MOK: variants seen among roughly 807,000 people sequenced by gnomAD.
MOK encodes the protein MOK protein kinase.
Under a neutral mutation model 54.2 loss-of-function variants are expected in MOK, and 59 were observed. The ratio of observed to expected loss-of-function variants is 1.09; its 90% CI spans 0.88 to 1.35. MOK has a LOEUF of 1.35. Ranked by LOEUF, MOK falls within the 40% of genes most tolerant of loss-of-function variation. The probability of loss-of-function intolerance (pLI) is 0.00; values close to 1 mark genes in which losing one functional copy is unlikely to be tolerated. For missense variants in MOK, 517 were observed against 526.2 expected, an observed-to-expected ratio of 0.98 and a Z score of 0.17; for synonymous variants, 210 against 202.7, an observed-to-expected ratio of 1.04 and a Z score of -0.31.
intron 1 of MOK, among the ~76,000 whole-genome samples, chr14:102,298,033 G>A (rs1418990507): frequency 6.6e-6 from 1 of 152,230 alleles, no homozygotes; most frequent in Non-Finnish European, 1.5e-5. Context: ...CTGCTCCAGG[G>A]TGCCCAGTCC....
rs558753480 is a variant in MOK, at chr14:102,240,232, G to A, written c.591-6443C>T. The stretch of plus-strand genomic sequence containing the variant: ...ATCTCCCTTTGCTGACTCTGTTTTC[G>A]GACTCAGCCCGCCTGCACCCAGGTG... On this transcript the variant is annotated intron_variant, in intron 7 of 11. Transcript: ENST00000361847. This position sits in a 1 kb window ranked among gnomAD's most constrained non-coding sequence, Gnocchi z 5.4. Among the ~76,000 whole-genome samples, 6 of 152,126 alleles carry A rather than the reference G, an allele frequency of 3.9e-5. No individual in the cohort carries two copies. Among genetic ancestry groups the A allele is most frequent in the African/African-American group, 9.6e-5 (4 of 41,494 alleles).
intron 2 of MOK, 68 bp from the exon 3 acceptor site, chr14:102,265,980 T>A (rs2153138476): frequency 9.1e-7 from 1 of 1,102,008 alleles, no homozygotes. Context: ...GAGTTACTTA[T>A]TATCCAGGAT....
intron 4 of MOK, among the ~76,000 whole-genome samples, chr14:102,255,071 G>A (rs930788306): frequency 6.6e-6 from 1 of 152,212 alleles, no homozygotes; most frequent in Non-Finnish European, 1.5e-5. Flanking sequence ...TGTAATCCCA[G>A]CACTTTGGGA....
At chr14:102,221,456 G>C (rs2063889219), downstream of MOK, among the ~76,000 whole-genome samples, 1 of 152,228 alleles carries the variant, frequency 6.6e-6, no homozygotes, top group African/African-American at 2.4e-5. This position sits in a 1 kb window ranked among gnomAD's most constrained non-coding sequence, Gnocchi z 4.8. Flanking sequence ...TCAGGAACCT[G>C]CTGCCCAGCT....
intron 1 of MOK, among the ~76,000 whole-genome samples, chr14:102,299,916 T>A (rs1333976048): frequency 2.0e-5 from 3 of 152,078 alleles, no homozygotes; most frequent in Non-Finnish European, 4.4e-5. Context: ...TTTTGAATAA[T>A]TCATTAAAAA....
chr14:102,251,613 G>T, intron 6 of MOK, 143 bp downstream of exon 6: 2 of 729,178 alleles, frequency 2.7e-6, no homozygotes, highest in Non-Finnish European at 4.9e-6. Context: ...TTTACAACCT[G>T]AGAGGGAAAA....
chr14:102,304,837 C>G, intron 1 of MOK, 125 bp downstream of exon 1: 6 of 1,125,098 alleles, frequency 5.3e-6, no homozygotes, highest in Non-Finnish European at 7.7e-6. Context: ...CCGGGCCTGT[C>G]GAGCCACGGC....
chr14:102,283,457 A>T, intron 2 of MOK, 21 bp downstream of exon 2: 2 of 1,537,960 alleles, frequency 1.3e-6, no homozygotes, highest in Non-Finnish European at 1.8e-6. Context: ...GTTTGGTCCC[A>T]AGTGCATCTC....
chr14:102,272,448 G>A (rs1259438598), intron 2 of MOK, among the ~76,000 whole-genome samples: 1 of 151,662 alleles, frequency 6.6e-6, no homozygotes, highest in Non-Finnish European at 1.5e-5. Context: ...CCACACTCCA[G>A]CCTGTGCAAC....
At position 102,245,089 on chromosome 14, in the gene MOK, T is replaced by C. The variant is rs1351390236; in HGVS notation, c.590+5723A>G. Among the ~76,000 whole-genome samples, 1 of 152,140 alleles carries C rather than the reference T, an allele frequency of 6.6e-6. No homozygotes were observed. Among genetic ancestry groups the C allele is most frequent in the African/African-American group, 2.4e-5 (1 of 41,412 alleles). ...CTTAGTCCTTTAATACCTGTTTTTCTCCTTCTCTTATTTGGACCTTGTGTC... is the reference window on the plus strand; with the variant it reads ...CTTAGTCCTTTAATACCTGTTTTTCCCCTTCTCTTATTTGGACCTTGTGTC... On this transcript the variant is annotated intron_variant, in intron 7 of 11. Transcript: ENST00000361847. The surrounding 1 kb of genome is among the most constrained non-coding windows in gnomAD (Gnocchi z 4.3).
At chr14:102,250,546 C>T (rs1294983086) in intron 7 of MOK, among the ~76,000 whole-genome samples, 3 of 152,232 alleles carry the variant, frequency 2.0e-5, no homozygotes, top group Admixed American at 6.5e-5. Context: ...CACAGCAACC[C>T]CAAGGAGGCA....
intron 4 of MOK, 39 bp from the exon 5 acceptor site, chr14:102,252,034 G>A (rs2066571394): frequency 9.2e-7 from 1 of 1,085,364 alleles, no homozygotes; most frequent in East Asian, 2.4e-5. Flanking sequence ...GGTTACTGAT[G>A]GTACATATCC....
chr14:102,298,017 C>T (rs1418505623), intron 1 of MOK, among the ~76,000 whole-genome samples: 7 of 152,222 alleles, frequency 4.6e-5, no homozygotes, highest in Non-Finnish European at 7.3e-5. Flanking sequence ...CGAGGAGCAC[C>T]GCCCCCTGCT....
chr14:102,255,048 T>C (rs920799735), intron 4 of MOK, among the ~76,000 whole-genome samples: 2 of 152,156 alleles, frequency 1.3e-5, no homozygotes, highest in African/African-American at 4.8e-5. Context: ...TTTAAAAAGC[T>C]GATTAAAAAG....
chr14:102,304,973 G>C lies in MOK; in HGVS notation c.-5C>G. ...CCGGCCCCACTCACTCTTCATCTTG[G>C]ATGCGGAAGCCGGTGACAACCCCTT... is the stretch of plus-strand genomic sequence containing the variant. On this transcript the variant is annotated 5_prime_UTR_variant, in exon 1 of 12. The change creates a new upstream start codon in the 5' untranslated region. Coordinates refer to ENST00000361847, the MANE Select transcript of MOK (RefSeq NM_014226.3). 6.2e-7 allele frequency: 1 copy of C among 1,610,552 alleles called. No homozygotes were observed. The highest frequency in any genetic ancestry group is 8.5e-7 in the Non-Finnish European group (1 of 1,178,796).
chr14:102,294,104 A>G (rs1171844017), intron 1 of MOK, among the ~76,000 whole-genome samples: 1 of 151,072 alleles, frequency 6.6e-6, no homozygotes, highest in Admixed American at 6.6e-5. Flanking sequence ...GTTTGAGACC[A>G]GCCTGGGTAA....
At chr14:102,271,368 T>C (rs1230280201) in intron 2 of MOK, among the ~76,000 whole-genome samples, 2 of 152,074 alleles carry the variant, frequency 1.3e-5, no homozygotes, top group African/African-American at 2.4e-5. Context: ...ACGAATGATG[T>C]TATAATAAAC....
chr14:102,302,618 T>C (rs1477236325), intron 1 of MOK, among the ~76,000 whole-genome samples: 3 of 151,550 alleles, frequency 2.0e-5, no homozygotes. Context: ...GGTTTCACCG[T>C]GTTAGCTGGG....
the MOK span, among the ~76,000 whole-genome samples, chr14:102,218,153 C>T: frequency 1.3e-5 from 2 of 152,232 alleles, no homozygotes; most frequent in African/African-American, 2.4e-5. Flanking sequence ...TGCCATGAAA[C>T]GGGTCCCAGG....
Sources: gnomAD v4.1 joint callset for allele counts (sites outside exome capture counted in the v4.1 genomes callset) on GRCh38, gnomAD v4.1.1 for gene constraint, Gnocchi (gnomAD v3.1) non-coding constraint, MANE v1.5 for transcripts, NCBI Gene and HGNC (gene_info 2026-07-23, HGNC 2026-07-21) for gene names.